TCF12: variants seen among roughly 807,000 people sequenced by gnomAD.
TCF12 encodes DNA-binding protein HTF4.
Under a neutral mutation model 86.0 loss-of-function variants are expected in TCF12, and 45 were observed. The ratio of observed to expected loss-of-function variants is 0.52; its 90% confidence interval spans 0.41 to 0.67. TCF12 has a LOEUF of 0.67. TCF12 is among the 30% of genes least tolerant of loss of function. TCF12 has a pLI of 0.00. For missense variants in TCF12, 881 were observed against 859.9 expected, an observed-to-expected ratio of 1.02 and a Z score of -0.31; for synonymous variants, 330 against 299.6, an observed-to-expected ratio of 1.10 and a Z score of -1.05.
chr15:57,173,575 A>G (rs944986027), intron 6 of TCF12, among the ~76,000 whole-genome samples: 1 of 152,202 alleles, frequency 6.6e-6, no homozygotes, highest in East Asian at 1.9e-4. Context: ...GCTATGAATC[A>G]TATATACATT....
At chr15:57,184,662 G>A (rs561723026) in intron 6 of TCF12, among the ~76,000 whole-genome samples, 1 of 152,236 alleles carries the variant, frequency 6.6e-6, no homozygotes, top group Admixed American at 6.5e-5. Context: ...CCTTAAGCAT[G>A]TGGTAATAAT....
chr15:57,157,275 G>GT (rs374760133), intron 5 of TCF12, among the ~76,000 whole-genome samples: 2,125 of 145,804 alleles, frequency 0.015, 15 homozygotes, highest in Middle Eastern at 0.036. Flanking sequence ...TTCATGATGG[G>GT]TTTTTTTTTT....
chr15:57,226,471 A>G (rs767385980), intron 8 of TCF12, among the ~76,000 whole-genome samples: 97 of 152,234 alleles, frequency 6.4e-4, no homozygotes, highest in Non-Finnish European at 7.5e-4. Flanking sequence ...TGAGGCCCAC[A>G]TTAGCGTGTG....
intron 18 of TCF12, among the ~76,000 whole-genome samples, chr15:57,272,603 A>G (rs2061193892): frequency 6.6e-6 from 1 of 152,228 alleles, no homozygotes; most frequent in Non-Finnish European, 1.5e-5. Flanking sequence ...ACATGTTAAA[A>G]TGCAGCTTCT....
intron 11 of TCF12, among the ~76,000 whole-genome samples, 194 bp downstream of exon 11, chr15:57,233,050 A>G (rs1023207496): frequency 3.4e-4 from 47 of 140,048 alleles, no homozygotes; most frequent in African/African-American, 1.1e-3. Context: ...TTATATATGT[A>G]TATGTGTTAT....
chr15:57,170,770 T>A (rs1164040375), intron 6 of TCF12, among the ~76,000 whole-genome samples: 5 of 6,422 alleles, frequency 7.8e-4, no homozygotes, highest in African/African-American at 1.7e-3. Context: ...TATATATATA[T>A]TATATATAAT....
chr15:57,235,016 G>A (rs1256861889), intron 12 of TCF12, among the ~76,000 whole-genome samples: 1 of 152,152 alleles, frequency 6.6e-6, no homozygotes, highest in African/African-American at 2.4e-5. Context: ...AGCATTTAAG[G>A]AGATAAACCT....
At chr15:57,165,109 G>A (rs577418676) in intron 5 of TCF12, among the ~76,000 whole-genome samples, 2 of 148,986 alleles carry the variant, frequency 1.3e-5, no homozygotes, top group South Asian at 4.3e-4. Context: ...TCCCTTCTTT[G>A]TGTCTATCCT....
intron 3 of TCF12, among the ~76,000 whole-genome samples, chr15:57,049,111 G>T (rs1476629911): frequency 6.6e-6 from 1 of 152,102 alleles, no homozygotes; most frequent in Non-Finnish European, 1.5e-5. Context: ...GGAGGGAGAG[G>T]TATAAAGGTC....
chr15:57,291,248 A>G (rs1413512219), downstream of TCF12: 5 of 152,202 alleles, frequency 3.3e-5, no homozygotes, highest in Admixed American at 6.5e-5. Flanking sequence ...ACATCCCCCC[A>G]CATACTTTCA....
intron 16 of TCF12, among the ~76,000 whole-genome samples, chr15:57,259,844 A>T (rs758740620): frequency 5.3e-5 from 8 of 152,220 alleles, no homozygotes; most frequent in Non-Finnish European, 1.0e-4. Flanking sequence ...AGCCATTTGA[A>T]TGTGGAGCTG....
At chr15:57,142,825 T>C (rs1268600492) in intron 5 of TCF12, among the ~76,000 whole-genome samples, 2 of 152,146 alleles carry the variant, frequency 1.3e-5, no homozygotes, top group Non-Finnish European at 2.9e-5. Flanking sequence ...CATTTCTGTG[T>C]TACTCTTTCC....
At chr15:56,950,744 T>G (rs2061229261) in intron 3 of TCF12, among the ~76,000 whole-genome samples, 2 of 31,950 alleles carry the variant, frequency 6.3e-5, no homozygotes, top group African/African-American at 8.5e-5. Flanking sequence ...ATTATGACCA[T>G]GTTTTTTTTT....
At chr15:56,974,002 A>C (rs1478763991) in intron 3 of TCF12, among the ~76,000 whole-genome samples, 2 of 152,156 alleles carry the variant, frequency 1.3e-5, no homozygotes. Flanking sequence ...AAAGACAAAA[A>C]TTTAGGAATT....
chr15:57,236,390 T>G (rs2059381434), intron 12 of TCF12, among the ~76,000 whole-genome samples: 1 of 152,186 alleles, frequency 6.6e-6, no homozygotes, highest in African/African-American at 2.4e-5. Flanking sequence ...TGAGGATTAC[T>G]TTTGAGAGTC....
At chr15:57,225,344 A>G (rs1198342036) in intron 8 of TCF12, among the ~76,000 whole-genome samples, 2 of 144,054 alleles carry the variant, frequency 1.4e-5, no homozygotes, top group Non-Finnish European at 3.0e-5. Flanking sequence ...GGTTCACATC[A>G]TTCTCCTGCC....
At chr15:56,940,459 T>C (rs2043510472) in intron 3 of TCF12, among the ~76,000 whole-genome samples, 1 of 151,806 alleles carries the variant, frequency 6.6e-6, no homozygotes, top group South Asian at 2.1e-4. Flanking sequence ...TTCTTCTTTC[T>C]TCTTCCTCTT....
intron 19 of TCF12, among the ~76,000 whole-genome samples, chr15:57,275,327 G>GGGGGGGTGTGTGTGTGTGTGTGTGTGT (rs2061328433): frequency 1.6e-5 from 1 of 64,060 alleles, no homozygotes; most frequent in African/African-American, 7.2e-5. Flanking sequence ...GTAAGGTAGG[G>GGGGGGGTGTGTGTGTGTGTGTGTGTGT]GTGTGTGTGT....
intron 3 of TCF12, among the ~76,000 whole-genome samples, chr15:57,000,301 A>G (rs1383398111): frequency 2.6e-5 from 4 of 151,688 alleles, no homozygotes; most frequent in African/African-American, 9.7e-5. Context: ...TGGCTTCCCA[A>G]AGTGGTGGGA....
Sources: allele counts gnomAD v4.1 joint callset (sites outside exome capture counted in the v4.1 genomes callset), GRCh38; gene constraint gnomAD v4.1.1; transcripts MANE v1.5; gene names NCBI Gene and HGNC (gene_info 2026-07-23, HGNC 2026-07-21).